CLSTN2: variants seen among roughly 807,000 people sequenced by gnomAD.
CLSTN2 encodes calsyntenin 2, also known as calsyntenin-2.
CLSTN2 carries 48 observed loss-of-function variants against 101.2 expected under a neutral mutation model. The observed-to-expected ratio is 0.47, with a 90% confidence interval of 0.38 to 0.60. The LOEUF is 0.60. Ranked by LOEUF, CLSTN2 falls within the 20% of genes least tolerant of loss-of-function variation. The pLI is 0.00. For missense variants in CLSTN2, 1,160 were observed against 1,238.2 expected (o/e 0.94, Z 0.95); for synonymous variants, 481 against 463.6 (o/e 1.04, Z -0.48).
chr3:140,002,733 T>A (rs2006867963), intron 1 of CLSTN2, among the ~76,000 whole-genome samples: 1 of 152,212 alleles, frequency 6.6e-6, no homozygotes, highest in Non-Finnish European at 1.5e-5. Flanking sequence ...TTGATTTGAT[T>A]TTTGTATATA....
intron 7 of CLSTN2, among the ~76,000 whole-genome samples, chr3:140,464,550 C>T (rs1053344643): frequency 2.6e-5 from 4 of 152,170 alleles, no homozygotes; most frequent in African/African-American, 7.2e-5. Context: ...GTTGACTCTT[C>T]GAATTCAGAG....
At chr3:140,018,028 G>A (rs2007235913) in intron 1 of CLSTN2, among the ~76,000 whole-genome samples, 1 of 152,238 alleles carries the variant, frequency 6.6e-6, no homozygotes. Context: ...AAGAAGGAAG[G>A]AAGGAAGGAA....
At chr3:140,157,210 T>C (rs1313005721) in intron 1 of CLSTN2, among the ~76,000 whole-genome samples, 1 of 152,046 alleles carries the variant, frequency 6.6e-6, no homozygotes, top group East Asian at 1.9e-4. Flanking sequence ...GGTTTTTTTT[T>C]TCCCCATTGT....
chr3:140,203,666 T>C (rs1476423192), intron 2 of CLSTN2, among the ~76,000 whole-genome samples: 2 of 152,132 alleles, frequency 1.3e-5, no homozygotes, highest in Admixed American at 1.3e-4. Context: ...AAAGGCCTCC[T>C]GGTGCCTGAT....
rs759756031 is a variant in CLSTN2 at position 140,234,599 on chromosome 3, T to G, written c.232+58526T>G. Among the ~76,000 whole-genome samples the G allele has an allele frequency of 8.2e-4, 125 of 152,200 alleles. 2 individuals are homozygous for G. The highest frequency in any genetic ancestry group is 4.9e-4 in the Non-Finnish European group (33 of 68,030). On this transcript the variant is annotated intron_variant, in intron 2 of 16. Transcript: ENST00000458420. Reference sequence around the variant, plus strand: ...CAGCTGTTGTGGTCTTATTTGCCTGTGTGCTGGTACCATGACAAGAAATTC... The same window carrying G: ...CAGCTGTTGTGGTCTTATTTGCCTGGGTGCTGGTACCATGACAAGAAATTC...
chr3:140,387,517 C>G (rs2088066296), intron 2 of CLSTN2, among the ~76,000 whole-genome samples: 1 of 152,180 alleles, frequency 6.6e-6, no homozygotes, highest in Non-Finnish European at 1.5e-5. Context: ...GTTGTTCCTC[C>G]TTAATTTCCA....
Position 139,941,220 on chromosome 3 carries a change from G to A in CLSTN2, c.109+5737G>A, listed in dbSNP as rs147550781. On this transcript the variant is annotated intron_variant, in intron 1 of 16. Transcript: ENST00000458420. ...GGTTTTGAGGGTAGACCATGGGGAG[G>A]CCTGAGCTGGGGAAGAGCACTGAGC... Among the ~76,000 whole-genome samples, 90 of 152,234 alleles carry A rather than the reference G, an allele frequency of 5.9e-4. 1 individual carries two copies. Among genetic ancestry groups the A allele is most frequent in the African/African-American group, 1.8e-3 (74 of 41,538 alleles).
chr3:140,186,422 A>G (rs1363753922), intron 2 of CLSTN2, among the ~76,000 whole-genome samples: 1 of 152,228 alleles, frequency 6.6e-6, no homozygotes, highest in Non-Finnish European at 1.5e-5. Flanking sequence ...TGAAAGTCCT[A>G]AATGTCTCAG....
At chr3:140,220,345 G>A (rs1467327021) in intron 2 of CLSTN2, among the ~76,000 whole-genome samples, 1 of 152,172 alleles carries the variant, frequency 6.6e-6, no homozygotes, top group East Asian at 1.9e-4. Context: ...ATGCTGGTGG[G>A]GGCAGAGAGT....
At chr3:140,181,005 G>C (rs1310766838) in intron 2 of CLSTN2, among the ~76,000 whole-genome samples, 1 of 152,190 alleles carries the variant, frequency 6.6e-6, no homozygotes, top group African/African-American at 2.4e-5. Context: ...GATTGGGATA[G>C]ACCCTTGGCA....
At chr3:140,136,770 C>G (rs1436433200) in intron 1 of CLSTN2, among the ~76,000 whole-genome samples, 1 of 152,154 alleles carries the variant, frequency 6.6e-6, no homozygotes, top group Non-Finnish European at 1.5e-5. Flanking sequence ...GAGCATTGTC[C>G]TGGCAGGGAG....
At chr3:139,969,918 G>A (rs1204852919) in intron 1 of CLSTN2, among the ~76,000 whole-genome samples, 1 of 152,188 alleles carries the variant, frequency 6.6e-6, no homozygotes, top group Non-Finnish European at 1.5e-5. Context: ...ATTAGAGTCT[G>A]TGGGTAACTT....
At chr3:140,071,918 G>GA (rs2008404158) in intron 1 of CLSTN2, among the ~76,000 whole-genome samples, 1 of 152,106 alleles carries the variant, frequency 6.6e-6, no homozygotes, top group Admixed American at 6.5e-5. Context: ...TTAGAGAAAT[G>GA]TAAGTGAAAA....
chr3:140,085,735 TAA>T (rs1381315657), intron 1 of CLSTN2, among the ~76,000 whole-genome samples: 1 of 152,114 alleles, frequency 6.6e-6, no homozygotes, highest in South Asian at 2.1e-4. Flanking sequence ...CAAGCCTGAG[TAA>T]AGACAGGAGC....
chr3:140,341,275 C>T (rs576453587), intron 2 of CLSTN2, among the ~76,000 whole-genome samples: 4 of 152,158 alleles, frequency 2.6e-5, no homozygotes, highest in Non-Finnish European at 5.9e-5. Context: ...TTTGTCTTGG[C>T]ATGGTTTTCA....
intron 1 of CLSTN2, among the ~76,000 whole-genome samples, chr3:140,090,802 T>G (rs2008768353): frequency 1.3e-5 from 2 of 151,872 alleles, no homozygotes; most frequent in South Asian, 4.2e-4. Flanking sequence ...CTGGACATAG[T>G]AAGGGCAAGA....
chr3:140,210,702 C>A (rs2010844330), intron 2 of CLSTN2, among the ~76,000 whole-genome samples: 1 of 152,106 alleles, frequency 6.6e-6, no homozygotes, highest in African/African-American at 2.4e-5. Flanking sequence ...AGAGAGAATG[C>A]TACTTTCCTG....
chr3:140,483,418 T>A (rs1164825418), intron 8 of CLSTN2, among the ~76,000 whole-genome samples: 3 of 152,206 alleles, frequency 2.0e-5, no homozygotes, highest in African/African-American at 7.2e-5. Flanking sequence ...ATGTATATTC[T>A]GTTGATTTGG....
intron 1 of CLSTN2, among the ~76,000 whole-genome samples, chr3:140,090,066 T>G (rs2008750729): frequency 7.7e-6 from 1 of 129,460 alleles, no homozygotes; most frequent in African/African-American, 3.0e-5. Context: ...TGTTTCTGTG[T>G]GGGGGAGAAA....
Sources: allele counts gnomAD v4.1 joint callset (sites outside exome capture counted in the v4.1 genomes callset), GRCh38; gene constraint gnomAD v4.1.1; transcripts MANE v1.5; gene names NCBI Gene and HGNC (gene_info 2026-07-23, HGNC 2026-07-21).